TLN2: variants seen among roughly 807,000 people sequenced by gnomAD.
TLN2 encodes talin 2, also known as talin-2.
Under a neutral mutation model 294.7 loss-of-function variants are expected in TLN2, and 118 were observed. The ratio of observed to expected loss-of-function variants is 0.40; its 90% CI spans 0.34 to 0.47. The LOEUF is 0.47. Ranked by LOEUF, TLN2 falls within the 20% of genes least tolerant of loss-of-function variation. The probability of loss-of-function intolerance (pLI) is 0.84; values close to 1 mark genes in which losing one functional copy is unlikely to be tolerated. For synonymous variants in TLN2, 1,431 were observed against 1,304.5 expected, an observed-to-expected ratio of 1.10 and a Z score of -2.09; for missense variants, 3,083 against 3,282.2, an observed-to-expected ratio of 0.94 and a Z score of 1.48.
At chr15:62,610,803 G>A (rs1380870341) in intron 2 of TLN2, among the ~76,000 whole-genome samples, 1 of 152,164 alleles carries the variant, frequency 6.6e-6, no homozygotes, top group African/African-American at 2.4e-5. Flanking sequence ...TTAACATGTG[G>A]ATTTGCAAAT....
intron 11 of TLN2, among the ~76,000 whole-genome samples, chr15:62,678,551 C>T (rs149331407): frequency 1.2e-3 from 189 of 152,300 alleles, no homozygotes; most frequent in African/African-American, 4.4e-3. Flanking sequence ...CTATAACAGG[C>T]TGGGCATGGT....
chr15:62,688,462 G>C (rs1258078047), intron 12 of TLN2, among the ~76,000 whole-genome samples: 2 of 152,102 alleles, frequency 1.3e-5, no homozygotes, highest in African/African-American at 2.4e-5. Context: ...TATTCAAAAA[G>C]AACATATATT....
intron 26 of TLN2, 38 bp from the exon 27 acceptor site, chr15:62,724,938 A>G (rs1334187873): frequency 8.2e-6 from 13 of 1,580,170 alleles, no homozygotes; most frequent in African/African-American, 1.3e-5. Context: ...ACTTTTCCCA[A>G]GCAGACTGGG....
chr15:62,605,429 G>A (rs1295265569), intron 2 of TLN2, among the ~76,000 whole-genome samples: 1 of 152,136 alleles, frequency 6.6e-6, no homozygotes, highest in African/African-American at 2.4e-5. Flanking sequence ...CTACTCTAGG[G>A]AATTAAAGCT....
chr15:62,518,574 G>A lies in TLN2; in HGVS notation c.-237-71113G>A, dbSNP rs558337552. 3.3e-5 allele frequency among the ~76,000 whole-genome samples: 5 copies of A among 152,128 alleles called. No homozygotes were observed. The South Asian group carries it at 6.3e-4, about 19-fold the overall frequency. ...GAACATGCAAAATATGGTGAACGGT[G>A]GAGAGCCGTGACCTGCAATGTTTTT... is the stretch of plus-strand genomic sequence containing the variant. On this transcript the variant is annotated intron_variant, in intron 1 of 58. Coordinates refer to ENST00000636159, the MANE Select transcript of TLN2 (RefSeq NM_015059.3).
At chr15:62,565,877 G>A (rs1195166719) in intron 1 of TLN2, among the ~76,000 whole-genome samples, 1 of 151,888 alleles carries the variant, frequency 6.6e-6, no homozygotes, top group Admixed American at 6.6e-5. Flanking sequence ...CAGGGGCTGG[G>A]CTTTGGAGTT....
chr15:62,679,126 G>C (rs2056549734), intron 11 of TLN2, among the ~76,000 whole-genome samples: 1 of 150,860 alleles, frequency 6.6e-6, no homozygotes, highest in Non-Finnish European at 1.5e-5. Flanking sequence ...ATAATAACAA[G>C]TGTTGGTGAG....
At chr15:62,572,824 C>T (rs1596188299) in intron 1 of TLN2, among the ~76,000 whole-genome samples, 1 of 151,756 alleles carries the variant, frequency 6.6e-6, no homozygotes, top group Non-Finnish European at 1.5e-5. Flanking sequence ...GGCACCTGAC[C>T]CCCTGTTGCA....
chr15:62,468,606 G>A (rs371168204), intron 1 of TLN2, among the ~76,000 whole-genome samples: 1 of 152,016 alleles, frequency 6.6e-6, no homozygotes, highest in Non-Finnish European at 1.5e-5. Context: ...TTAGCCGGGT[G>A]TGGTGGCGGG....
chr15:62,429,298 G>T (rs1278658773), intron 1 of TLN2, among the ~76,000 whole-genome samples: 1 of 152,194 alleles, frequency 6.6e-6, no homozygotes, highest in Admixed American at 6.5e-5. Flanking sequence ...GTTCTGGGAA[G>T]CCAGGAGGAT....
intron 1 of TLN2, among the ~76,000 whole-genome samples, chr15:62,478,309 G>A (rs2140376956): frequency 6.6e-6 from 1 of 152,260 alleles, no homozygotes; most frequent in Admixed American, 6.5e-5. Flanking sequence ...TACAGCTAGT[G>A]GCGAGATGGG....
chr15:62,458,499 TCA>T (rs2036609393), intron 1 of TLN2, among the ~76,000 whole-genome samples: 1 of 150,960 alleles, frequency 6.6e-6, no homozygotes, highest in African/African-American at 2.4e-5. Context: ...CTGGAGTGTC[TCA>T]CAAACCTCTA....
intron 26 of TLN2, among the ~76,000 whole-genome samples, chr15:62,724,194 T>C (rs758368100): frequency 2.4e-4 from 37 of 152,146 alleles, no homozygotes; most frequent in Non-Finnish European, 4.6e-4. Context: ...CAGACTGTCA[T>C]TGACTAATTT....
chr15:62,539,847 G>A (rs191248611), intron 1 of TLN2, among the ~76,000 whole-genome samples: 3 of 150,778 alleles, frequency 2.0e-5, no homozygotes, highest in African/African-American at 7.3e-5. Context: ...CATACCATGT[G>A]CCAGAAGACC....
chr15:62,449,585 C>T (rs1000592179), intron 1 of TLN2, among the ~76,000 whole-genome samples: 11 of 151,870 alleles, frequency 7.2e-5, no homozygotes, highest in African/African-American at 1.7e-4. Context: ...TTTGGGAGGC[C>T]GAGACAGGAG....
At chr15:62,751,389 T>G (rs1238604128) in intron 34 of TLN2, among the ~76,000 whole-genome samples, 1 of 152,220 alleles carries the variant, frequency 6.6e-6, no homozygotes, top group Non-Finnish European at 1.5e-5. Flanking sequence ...CCAGTACCTT[T>G]TATGGAATTA....
At chr15:62,656,308 A>T (rs1028089054) in intron 8 of TLN2, among the ~76,000 whole-genome samples, 1 of 152,170 alleles carries the variant, frequency 6.6e-6, no homozygotes, top group Non-Finnish European at 1.5e-5. Flanking sequence ...ATGGCTTCCC[A>T]GATTGTGTCC....
At chr15:62,698,077 G>A (rs1371877881) in intron 15 of TLN2, among the ~76,000 whole-genome samples, 1 of 152,198 alleles carries the variant, frequency 6.6e-6, no homozygotes, top group Non-Finnish European at 1.5e-5. Flanking sequence ...GGAAAATTAG[G>A]GAGCTCTTAA....
intron 36 of TLN2, chr15:62,755,267 A>C: frequency 5.5e-6 from 2 of 366,318 alleles, no homozygotes; most frequent in Non-Finnish European, 9.8e-6. Context: ...AACTGATTAC[A>C]TCTCCTTTAA....
Sources: gnomAD v4.1 joint callset for allele counts (sites outside exome capture counted in the v4.1 genomes callset) on GRCh38, gnomAD v4.1.1 for gene constraint, MANE v1.5 for transcripts, NCBI Gene and HGNC (gene_info 2026-07-23, HGNC 2026-07-21) for gene names.